Variants in C4BPB observed in about 807,000 individuals in gnomAD.
The protein encoded by C4BPB is complement component 4 binding protein beta.
Under a neutral mutation model 26.6 loss-of-function variants are expected in C4BPB, and 19 were observed. The observed-to-expected ratio is 0.71, with a 90% CI of 0.50 to 1.05. C4BPB has a LOEUF of 1.05. Ranked by LOEUF, C4BPB falls within the 50% of genes least tolerant of loss-of-function variation. The pLI is 0.00. For missense variants in C4BPB, 282 were observed against 302.9 expected, an observed-to-expected ratio of 0.93 and a Z score of 0.51; for synonymous variants, 118 against 103.5, an observed-to-expected ratio of 1.14 and a Z score of -0.85.
At chr1:207,092,617 ATTTC>A (rs943739356) in intron 4 of C4BPB, among the ~76,000 whole-genome samples, 4 of 144,906 alleles carry the variant, frequency 2.8e-5, no homozygotes, top group Admixed American at 1.4e-4. Context: ...CTACGTTGTT[ATTTC>A]TTTCTTTCTT....
chr1:207,099,878 A>T lies in C4BPB; in HGVS notation c.708A>T (p.Leu236=). 1.2e-6 allele frequency: 2 copies of T among 1,613,906 alleles called. No homozygotes were observed. The highest frequency in any genetic ancestry group is 2.2e-5 in the East Asian group (1 of 44,874). ...LKESGMTMEE[L]KYSLELKKAE... is the part of the protein sequence containing the mutation. ...AAAGTGGCATGACAATGGAGGAGCT[A>T]AAATATTCTCTGGAGCTGAAGAAAG... The change falls in exon 7 of 7, where the codon CTA becomes CTT. Residue 236 remains leucine, a synonymous_variant. Transcript: ENST00000367078.
intron 6 of C4BPB, among the ~76,000 whole-genome samples, chr1:207,099,236 G>T (rs184479352): frequency 2.0e-3 from 305 of 152,304 alleles, no homozygotes; most frequent in African/African-American, 7.0e-3. Context: ...TAGATCCCTC[G>T]CATGAGCAGT....
At chr1:207,092,240 A>G (rs1365603267) in intron 4 of C4BPB, among the ~76,000 whole-genome samples, 1 of 152,180 alleles carries the variant, frequency 6.6e-6, no homozygotes, top group East Asian at 1.9e-4. Context: ...CATATCTCTC[A>G]GAGTTAGTAA....
intron 4 of C4BPB, chr1:207,095,712 G>T (rs1684222475): frequency 4.0e-5 from 13 of 326,616 alleles, no homozygotes; most frequent in South Asian, 3.2e-4. Context: ...AATCTCCAGT[G>T]TTGGAGGTGG....
chr1:207,091,367 A>G (rs1342929831), intron 3 of C4BPB, among the ~76,000 whole-genome samples: 2 of 152,238 alleles, frequency 1.3e-5, no homozygotes, highest in African/African-American at 4.8e-5. Flanking sequence ...TACAATAAAC[A>G]TACGATTGGT....
At position 207,091,684 on chromosome 1, in the gene C4BPB, C is replaced by T. The variant is rs1217634843; in HGVS notation, c.273C>T (p.Phe91=). ...CPDPVLVNGE[F]SSSGPVNVSD... Reference sequence around the variant, plus strand: ...ATCCTGTGCTGGTGAATGGAGAGTTCAGTTCTTCAGGGCCTGTGAATGTAA... The same window carrying T: ...ATCCTGTGCTGGTGAATGGAGAGTTTAGTTCTTCAGGGCCTGTGAATGTAA... The change falls in exon 4 of 7, where the codon TTC becomes TTT. Residue 91 remains phenylalanine, a synonymous_variant. Transcript: ENST00000367078. 1.4e-5 allele frequency: 22 copies of T among 1,613,886 alleles called. No homozygotes were observed. In the South Asian group the frequency reaches 2.1e-4, roughly 15 times the overall value.
At chr1:207,097,413 A>G (rs11799737) in intron 5 of C4BPB, among the ~76,000 whole-genome samples, 16,743 of 151,610 alleles carry the variant, frequency 0.11, 1,151 homozygotes, top group Middle Eastern at 0.19. Context: ...GGGTCTCCCT[A>G]TGTTGCTCAG....
chr1:207,095,434 A>G (rs7542292), intron 4 of C4BPB: 224,636 of 455,556 alleles, frequency 0.49, 57,548 homozygotes, highest in East Asian at 0.77. Context: ...AGGTTCAAGC[A>G]GTTCTCATGC....
intron 4 of C4BPB, among the ~76,000 whole-genome samples, chr1:207,092,591 A>G (rs1684072901): frequency 6.6e-6 from 1 of 151,224 alleles, no homozygotes; most frequent in African/African-American, 2.4e-5. Context: ...TTTTATACAC[A>G]CACATATTCT....
intron 1 of C4BPB, chr1:207,089,229 C>G (rs1277723164): frequency 2.7e-6 from 1 of 373,418 alleles, no homozygotes; most frequent in Non-Finnish European, 4.8e-6. Flanking sequence ...GACTGGTCAA[C>G]TGGATTTGCA....
chr1:207,092,437 A>G (rs1023222121), intron 4 of C4BPB, among the ~76,000 whole-genome samples: 1 of 152,074 alleles, frequency 6.6e-6, no homozygotes, highest in Non-Finnish European at 1.5e-5. Flanking sequence ...TCATGTAACT[A>G]TATACATGGC....
Position 207,098,602 on chromosome 1 carries a change from G to A in C4BPB, c.618+338G>A, listed in dbSNP as rs145325822. On this transcript the variant is annotated intron_variant, in intron 6 of 6. Coordinates refer to ENST00000367078, the MANE Select transcript of C4BPB (RefSeq NM_001017365.3). ...ATGACTTTTCCACGGATGGGGGTGG[G>A]GAGAGTGGGGATGGTTTGGGGATGA... Among the ~76,000 whole-genome samples, 22 of 152,268 alleles carry A rather than the reference G, an allele frequency of 1.4e-4. No homozygotes were observed. In the East Asian group the frequency reaches 4.2e-3, roughly 29 times the overall value.
chr1:207,090,281 G>A (rs1382522121), intron 2 of C4BPB, 27 bp from the exon 3 acceptor site: 2 of 1,573,480 alleles, frequency 1.3e-6, no homozygotes, highest in African/African-American at 1.4e-5. Flanking sequence ...GATATGCCAA[G>A]TGAATCTGTT....
At chr1:207,092,926 C>T (rs1684095812) in intron 4 of C4BPB, among the ~76,000 whole-genome samples, 1 of 152,020 alleles carries the variant, frequency 6.6e-6, no homozygotes, top group South Asian at 2.1e-4. Context: ...CACCAGGCTA[C>T]TACATTGCTA....
In C4BPB at chr1:207,095,093, T is replaced by C. The variant is rs1039287665; in HGVS notation, c.410-1429T>C. ...CCCACATAATCATTGTTAGCCACTATTTTTGATCGACATGTTTAGTGTCCT... is the reference window on the plus strand; with the variant it reads ...CCCACATAATCATTGTTAGCCACTACTTTTGATCGACATGTTTAGTGTCCT... On this transcript the variant is annotated intron_variant, in intron 4 of 6. Coordinates refer to ENST00000367078, the MANE Select transcript of C4BPB (RefSeq NM_001017365.3). 4 of 323,126 alleles carry C rather than the reference T, an allele frequency of 1.2e-5. No individual in the cohort carries two copies. The Admixed American group carries it at 1.8e-4, about 15-fold the overall frequency. 20.0% of individuals were successfully genotyped at this position (323,126 alleles called of 1,614,324 possible).
rs11120184 is a variant in C4BPB at position 207,090,194 on chromosome 1, C to T, written c.59-114C>T. On this transcript the variant is annotated intron_variant, in intron 2 of 6. Coordinates refer to ENST00000367078, the MANE Select transcript of C4BPB (RefSeq NM_001017365.3). ...TAGAATACAGAGTACTTGGGAAGAG[C>T]ACAGGAATCAGGATCAATAATCCAG... 0.047 allele frequency: 38,384 copies of T among 818,044 alleles called. 4,800 individuals carry two copies. Among genetic ancestry groups the T allele is most frequent in the African/African-American group, 0.37 (21,040 of 57,148 alleles). The allele number at this position is 818,044 out of a possible 1,614,324, so 50.7% of individuals were successfully genotyped here. A position where few individuals can be genotyped will look rare whatever the true frequency, so the allele number is the denominator to read the frequency against.
intron 6 of C4BPB, 62 bp downstream of exon 6, chr1:207,098,326 C>T (rs1558080425): frequency 1.0e-6 from 1 of 995,962 alleles, no homozygotes; most frequent in Non-Finnish European, 1.6e-6. Flanking sequence ...GGCATCACTC[C>T]TGGCATATGC....
At chr1:207,092,408 A>T (rs970319411) in intron 4 of C4BPB, among the ~76,000 whole-genome samples, 1 of 152,126 alleles carries the variant, frequency 6.6e-6, no homozygotes, top group East Asian at 1.9e-4. Flanking sequence ...TGCTATACAT[A>T]TTTTTAAATT....
At chr1:207,089,728 T>G in intron 2 of C4BPB, 139 bp downstream of exon 2, 1 of 700,868 alleles carries the variant, frequency 1.4e-6, no homozygotes, top group Non-Finnish European at 2.5e-6. Context: ...CAAATTGGCC[T>G]AATGCTCTGC....
Sources: allele counts gnomAD v4.1 joint callset (sites outside exome capture counted in the v4.1 genomes callset), GRCh38; gene constraint gnomAD v4.1.1; transcripts MANE v1.5; gene names NCBI Gene and HGNC (gene_info 2026-07-23, HGNC 2026-07-21).